ATRNL1: variants seen among roughly 807,000 people sequenced by gnomAD.
ATRNL1 encodes attractin like 1.
ATRNL1 carries 95 observed loss-of-function variants against 182.7 expected under a neutral mutation model. The ratio of observed to expected loss-of-function variants is 0.52; its 90% CI spans 0.44 to 0.62. The LOEUF (loss-of-function observed/expected upper bound fraction) is 0.62. Ranked by LOEUF, ATRNL1 falls within the 20% of genes least tolerant of loss-of-function variation. The probability of loss-of-function intolerance (pLI) is 0.00; values close to 1 mark genes in which losing one functional copy is unlikely to be tolerated. For synonymous variants in ATRNL1, 576 were observed against 568.3 expected (o/e 1.01, Z -0.19); for missense variants, 1,471 against 1,679.5 (o/e 0.88, Z 2.17).
At chr10:115,884,320 G>T (rs569871059) in intron 28 of ATRNL1, among the ~76,000 whole-genome samples, 5 of 152,256 alleles carry the variant, frequency 3.3e-5, no homozygotes, top group African/African-American at 1.2e-4. Context: ...ATTTAGGGTG[G>T]TTTTATTTCA....
At position 115,719,323 on chromosome 10, in the gene ATRNL1, GAT is replaced by G. The variant is rs368428678; in HGVS notation, c.3796-7922_3796-7921del. On this transcript the variant is annotated intron_variant, in intron 26 of 28. Coordinates refer to ENST00000355044, the MANE Select transcript of ATRNL1 (RefSeq NM_207303.4). ...CATTTCTCATTAAGGAACAAAATGA[GAT>G]ATGTGATCAAGTAGAAGATAAAAAC... Among the ~76,000 whole-genome samples the G allele has an allele frequency of 3.0e-4, 45 of 152,298 alleles. No homozygotes were observed. In the East Asian group the frequency reaches 8.1e-3, roughly 27 times the overall value.
In ATRNL1 at chr10:115,260,269, A is replaced by G. The variant is rs558966682; in HGVS notation, c.1688-4924A>G. ...TTTTGTAAACAGTGGGATTAAATGA[A>G]AGTATACATACTTAAGAGTGAAACC... On this transcript the variant is annotated intron_variant, in intron 10 of 28. Coordinates refer to ENST00000355044, the MANE Select transcript of ATRNL1 (RefSeq NM_207303.4). Among the ~76,000 whole-genome samples the G allele has an allele frequency of 5.9e-5, 9 of 152,326 alleles. No individual in the cohort carries two copies. In the East Asian group the frequency reaches 1.7e-3, roughly 29 times the overall value.
chr10:115,784,416 C>T (rs1032875938), intron 27 of ATRNL1, among the ~76,000 whole-genome samples: 6 of 152,046 alleles, frequency 3.9e-5, no homozygotes, highest in South Asian at 4.1e-4. Flanking sequence ...TAGTAGAATC[C>T]GAAAAGATTT....
At chr10:115,260,097 T>A (rs1189826019) in intron 10 of ATRNL1, among the ~76,000 whole-genome samples, 13 of 152,244 alleles carry the variant, frequency 8.5e-5, no homozygotes, top group Admixed American at 8.5e-4. Flanking sequence ...AGTAGAATTA[T>A]GTTTTATTAT....
chr10:115,601,248 G>A (rs901707093), intron 26 of ATRNL1, among the ~76,000 whole-genome samples: 25 of 151,946 alleles, frequency 1.6e-4, no homozygotes, highest in African/African-American at 5.1e-4. Context: ...GACCACATAC[G>A]TAGACCATAT....
At chr10:115,330,065 A>G (rs1855129025) in intron 18 of ATRNL1, among the ~76,000 whole-genome samples, 1 of 151,868 alleles carries the variant, frequency 6.6e-6, no homozygotes, top group Non-Finnish European at 1.5e-5. Flanking sequence ...TTTTTTGCTT[A>G]CCTTGAGCCT....
chr10:115,639,194 C>T (rs896082985), intron 26 of ATRNL1, among the ~76,000 whole-genome samples: 5 of 152,134 alleles, frequency 3.3e-5, no homozygotes, highest in African/African-American at 7.2e-5. Flanking sequence ...TGAATGTCAG[C>T]AAATTTCTCT....
intron 26 of ATRNL1, among the ~76,000 whole-genome samples, chr10:115,588,246 T>C (rs1223974945): frequency 6.6e-6 from 1 of 152,164 alleles, no homozygotes; most frequent in African/African-American, 2.4e-5. Flanking sequence ...ACCTCAGCTC[T>C]ATGCCATGGA....
intron 20 of ATRNL1, among the ~76,000 whole-genome samples, chr10:115,399,683 G>A (rs1176000519): frequency 1.3e-5 from 2 of 151,702 alleles, no homozygotes; most frequent in South Asian, 2.1e-4. Flanking sequence ...TTTCATCTAT[G>A]ATTTTGTTTA....
At chr10:115,248,176 A>G (rs1182922671) in intron 10 of ATRNL1, among the ~76,000 whole-genome samples, 2 of 152,200 alleles carry the variant, frequency 1.3e-5, no homozygotes, top group African/African-American at 4.8e-5. Flanking sequence ...AGGATATTGA[A>G]TGTTTCTAAC....
At chr10:115,322,753 A>G (rs1309257621) in intron 18 of ATRNL1, among the ~76,000 whole-genome samples, 1 of 151,968 alleles carries the variant, frequency 6.6e-6, no homozygotes, top group East Asian at 1.9e-4. Context: ...CTAAAGGTAG[A>G]TTTGCTTGAT....
chr10:115,422,381 C>G (rs1252587240), intron 20 of ATRNL1, among the ~76,000 whole-genome samples: 9 of 152,106 alleles, frequency 5.9e-5, no homozygotes, highest in Admixed American at 4.6e-4. Context: ...GAGCAAAGTA[C>G]ATGAACACAC....
At chr10:115,875,427 G>A (rs958672972) in intron 28 of ATRNL1, among the ~76,000 whole-genome samples, 7 of 152,300 alleles carry the variant, frequency 4.6e-5, no homozygotes, top group Middle Eastern at 3.4e-3. Context: ...CTGTGGATAA[G>A]TTATCCTGAG....
Position 115,947,615 on chromosome 10 carries a change from A to G in ATRNL1, c.*2836A>G, listed in dbSNP as rs563343433. ...GTGATACACAGAGATGCCGTATACTATAGTGTTATGTTCAGTAGGAAAACT... is the reference window on the plus strand; with the variant it reads ...GTGATACACAGAGATGCCGTATACTGTAGTGTTATGTTCAGTAGGAAAACT... On this transcript the variant is annotated 3_prime_UTR_variant, in exon 29 of 29. Transcript: ENST00000355044. 4 of 152,764 alleles carry G rather than the reference A, an allele frequency of 2.6e-5. No homozygotes were observed. The highest frequency in any genetic ancestry group is 4.1e-4 in the South Asian group (2 of 4,834). 9.5% of individuals were successfully genotyped at this position (152,764 alleles called of 1,614,324 possible).
At chr10:115,338,315 T>G (rs782173465) in intron 19 of ATRNL1, among the ~76,000 whole-genome samples, 17 of 152,166 alleles carry the variant, frequency 1.1e-4, no homozygotes, top group Non-Finnish European at 2.4e-4. Flanking sequence ...ACCTTCAAAC[T>G]TTTCTCCATA....
intron 20 of ATRNL1, among the ~76,000 whole-genome samples, chr10:115,411,268 TTAAA>T (rs1454501761): frequency 6.6e-6 from 1 of 150,474 alleles, no homozygotes; most frequent in African/African-American, 2.4e-5. Flanking sequence ...TTTAAATAAA[TTAAA>T]TATTTAAATT....
At chr10:115,832,540 CGTCT>C (rs1471252358) in intron 27 of ATRNL1, among the ~76,000 whole-genome samples, 1 of 152,164 alleles carries the variant, frequency 6.6e-6, no homozygotes, top group Non-Finnish European at 1.5e-5. Flanking sequence ...ACAACGTATG[CGTCT>C]GTCTGTCTCC....
chr10:115,360,632 A>T (rs1856699475), intron 19 of ATRNL1, among the ~76,000 whole-genome samples: 1 of 150,864 alleles, frequency 6.6e-6, no homozygotes, highest in Non-Finnish European at 1.5e-5. Context: ...AGTTGTGTTC[A>T]TTTTTGAGGC....
At chr10:115,234,337 A>G (rs1385687583) in intron 9 of ATRNL1, among the ~76,000 whole-genome samples, 3 of 151,968 alleles carry the variant, frequency 2.0e-5, no homozygotes, top group African/African-American at 4.8e-5. Flanking sequence ...ATTATTTTTA[A>G]TACTGCATTT....
Sources: allele counts gnomAD v4.1 joint callset (sites outside exome capture counted in the v4.1 genomes callset), GRCh38; gene constraint gnomAD v4.1.1; transcripts MANE v1.5; gene names NCBI Gene and HGNC (gene_info 2026-07-23, HGNC 2026-07-21).